MAP3K3: variants seen among roughly 807,000 people sequenced by gnomAD.
MAP3K3 encodes the protein MAP/ERK kinase kinase 3.
In MAP3K3, 12 loss-of-function variants were observed where a neutral mutation model predicts 80.9. That is an observed-to-expected ratio of 0.15 (90% CI 0.10 to 0.24). The LOEUF is 0.24. Among genes scored for constraint, MAP3K3 ranks in the 10% least tolerant of loss-of-function variants. MAP3K3 has a pLI of 1.00. For missense variants in MAP3K3, 596 were observed against 834.7 expected, an observed-to-expected ratio of 0.71 and a Z score of 3.52; for synonymous variants, 272 against 307.1, an observed-to-expected ratio of 0.89 and a Z score of 1.19.
rs1023055283 is a variant in MAP3K3, at chr17:63,652,494, T to G, written c.168-63T>G. 1.2e-5 allele frequency: 13 copies of G among 1,066,264 alleles called. No homozygotes were observed. The African/African-American group carries it at 1.7e-4, about 14-fold the overall frequency. The allele number at this position is 1,066,264 out of a possible 1,614,324, so 66.1% of individuals were successfully genotyped here. A position where few individuals can be genotyped will look rare whatever the true frequency, so the allele number is the denominator to read the frequency against. On this transcript the variant is annotated intron_variant, in intron 3 of 15. Transcript: ENST00000361733. Reference sequence around the variant, plus strand: ...GAAAGGAAGAATATACTCAGACCATTGCTTTTTAAACCCTACGTTTTAAGT... The same window carrying G: ...GAAAGGAAGAATATACTCAGACCATGGCTTTTTAAACCCTACGTTTTAAGT...
chr17:63,686,568 G>A (rs2035454804), intron 8 of MAP3K3, among the ~76,000 whole-genome samples: 1 of 152,216 alleles, frequency 6.6e-6, no homozygotes, highest in South Asian at 2.1e-4. Context: ...GGGGAGAGAA[G>A]AGGACTACAG....
chr17:63,693,498 G>A lies in MAP3K3; in HGVS notation c.1653-51G>A. 1 of 1,517,390 alleles carries A rather than the reference G, an allele frequency of 6.6e-7. No individual in the cohort carries two copies. Among genetic ancestry groups the A allele is most frequent in the Non-Finnish European group, 9.0e-7 (1 of 1,108,980 alleles). 94.0% of individuals were successfully genotyped at this position (1,517,390 alleles called of 1,614,324 possible). A position where few individuals can be genotyped will look rare whatever the true frequency, so the allele number is the denominator to read the frequency against. On this transcript the variant is annotated intron_variant, in intron 15 of 15. Coordinates refer to ENST00000361733, the MANE Select transcript of MAP3K3 (RefSeq NM_002401.5). The surrounding 1 kb of genome is among the most constrained non-coding windows in gnomAD (Gnocchi z 4.2). ...TCTTTCTGCAGTGGTGGGCAGGACA[G>A]CTGGGAGTCCAGGGCTGGCTGAGGG...
chr17:63,637,815 ATGGTAGGTAGATACT>A (rs2034360325), intron 2 of MAP3K3, among the ~76,000 whole-genome samples: 1 of 152,212 alleles, frequency 6.6e-6, no homozygotes, highest in Non-Finnish European at 1.5e-5. Context: ...TCTTATCAAA[ATGGTAGGTAGATACT>A]TGAACAGAGT....
Position 63,652,554 on chromosome 17 carries a change from C to T in MAP3K3, c.168-3C>T. ...ACCAACCTTTCTTTCTGTTTCTTTTCAGAATTATAGCGTTCAGCCGGCCTG... is the reference window on the plus strand; with the variant it reads ...ACCAACCTTTCTTTCTGTTTCTTTTTAGAATTATAGCGTTCAGCCGGCCTG... On this transcript the variant is annotated splice_polypyrimidine_tract_variant and splice_region_variant and intron_variant, in intron 3 of 15. Coordinates refer to ENST00000361733, the MANE Select transcript of MAP3K3 (RefSeq NM_002401.5). The T allele has an allele frequency of 6.2e-7, 1 of 1,609,016 alleles. No homozygotes were observed. Among genetic ancestry groups the T allele is most frequent in the Non-Finnish European group, 8.5e-7 (1 of 1,175,628 alleles).
At position 63,693,530 on chromosome 17, in the gene MAP3K3, C is replaced by A. The variant is rs745993881; in HGVS notation, c.1653-19C>A. On this transcript the variant is annotated intron_variant, in intron 15 of 15. Coordinates refer to ENST00000361733, the MANE Select transcript of MAP3K3 (RefSeq NM_002401.5). The surrounding 1 kb of genome is among the most constrained non-coding windows in gnomAD (Gnocchi z 4.2). ...GTCCAGGGCTGGCTGAGGGGTGACA[C>A]GGGGTTCTCTCTTTCCAGGAGCCTG... The A allele has an allele frequency of 1.9e-6, 3 of 1,590,146 alleles. No homozygotes were observed. Among genetic ancestry groups the A allele is most frequent in the Non-Finnish European group, 2.6e-6 (3 of 1,168,936 alleles).
chr17:63,673,864 C>T (rs977319267), intron 6 of MAP3K3, among the ~76,000 whole-genome samples: 13 of 152,032 alleles, frequency 8.6e-5, no homozygotes, highest in African/African-American at 3.1e-4. Flanking sequence ...GAGCCAAGAT[C>T]GTGTCACTGC....
chr17:63,632,549 C>T (rs1186791621), intron 1 of MAP3K3, 132 bp from the exon 2 acceptor site: 10 of 957,548 alleles, frequency 1.0e-5, no homozygotes, highest in Non-Finnish European at 1.4e-5. Flanking sequence ...TTTTGGGCTG[C>T]ATCTGATTAT....
At chr17:63,687,142 G>C (rs1374730280) in intron 8 of MAP3K3, among the ~76,000 whole-genome samples, 3 of 151,234 alleles carry the variant, frequency 2.0e-5, no homozygotes, top group African/African-American at 7.3e-5. Flanking sequence ...GAGGCACGCG[G>C]ATCACCTGAG....
At chr17:63,635,457 T>C (rs1414634421) in intron 2 of MAP3K3, among the ~76,000 whole-genome samples, 1 of 152,246 alleles carries the variant, frequency 6.6e-6, no homozygotes, top group Non-Finnish European at 1.5e-5. Context: ...TTCCTCTTAA[T>C]GAAGTCAAGG....
At chr17:63,651,282 G>T (rs2034650210) in intron 3 of MAP3K3, among the ~76,000 whole-genome samples, 2 of 152,106 alleles carry the variant, frequency 1.3e-5, no homozygotes, top group Non-Finnish European at 2.9e-5. Flanking sequence ...TCAGAGGTTT[G>T]AGATCAGCCT....
chr17:63,692,137 G>C lies in MAP3K3; in HGVS notation c.1475-105G>C. On this transcript the variant is annotated intron_variant, in intron 14 of 15. Coordinates refer to ENST00000361733, the MANE Select transcript of MAP3K3 (RefSeq NM_002401.5). This position sits in a 1 kb window ranked among gnomAD's most constrained non-coding sequence, Gnocchi z 4.5. ...CTTTGCAGTTCATGTCTAATTCAGT[G>C]GTAGCCCTGCCCTCTCCAGCAGCTC... The C allele has an allele frequency of 1.5e-6, 2 of 1,320,028 alleles. No homozygotes were observed. Among genetic ancestry groups the C allele is most frequent in the Non-Finnish European group, 2.1e-6 (2 of 934,494 alleles). The allele number at this position is 1,320,028 out of a possible 1,614,324, so 81.8% of individuals were successfully genotyped here. A position where few individuals can be genotyped will look rare whatever the true frequency, so the allele number is the denominator to read the frequency against.
intron 2 of MAP3K3, among the ~76,000 whole-genome samples, chr17:63,645,691 ATG>A (rs2034527594): frequency 6.6e-6 from 1 of 152,242 alleles, no homozygotes; most frequent in Non-Finnish European, 1.5e-5. Context: ...CAACAAGGAA[ATG>A]TATCCTGGTC....
chr17:63,635,611 G>A (rs532310828), intron 2 of MAP3K3, among the ~76,000 whole-genome samples: 1 of 152,312 alleles, frequency 6.6e-6, no homozygotes, highest in Non-Finnish European at 1.5e-5. Flanking sequence ...AGGTAGTGCG[G>A]GGAAGATGTT....
chr17:63,692,553 GTAT>G lies in MAP3K3; in HGVS notation c.1652+139_1652+141del. ...GGCCCAGGCTGCAGTGTGTGCAAGG[GTAT>G]TATTGGGTGCAGTAGCACACACACC... On this transcript the variant is annotated intron_variant, in intron 15 of 15. Transcript: ENST00000361733. This position sits in a 1 kb window ranked among gnomAD's most constrained non-coding sequence, Gnocchi z 4.5. 2.3e-6 allele frequency: 2 copies of G among 879,650 alleles called. No individual in the cohort carries two copies. The highest frequency in any genetic ancestry group is 1.9e-5 in the South Asian group (1 of 51,752). 54.5% of individuals were successfully genotyped at this position (879,650 alleles called of 1,614,324 possible).
chr17:63,646,176 C>A (rs2034538263), intron 3 of MAP3K3, 102 bp downstream of exon 3: 2 of 1,053,114 alleles, frequency 1.9e-6, no homozygotes, highest in Admixed American at 1.9e-5. Context: ...CCCTGTGGGG[C>A]CACTGGCTGG....
chr17:63,648,720 C>T (rs2034589568), intron 3 of MAP3K3, among the ~76,000 whole-genome samples: 1 of 152,114 alleles, frequency 6.6e-6, no homozygotes, highest in Non-Finnish European at 1.5e-5. Context: ...GAGGCTAAGG[C>T]AGGAGAATCG....
At chr17:63,628,579 C>T (rs551003199) in intron 1 of MAP3K3, among the ~76,000 whole-genome samples, 9 of 151,586 alleles carry the variant, frequency 5.9e-5, no homozygotes, top group South Asian at 4.2e-4. Flanking sequence ...AGGCTGTTCT[C>T]GAACCCCTAA....
chr17:63,629,376 T>C (rs1354010352), intron 1 of MAP3K3, among the ~76,000 whole-genome samples: 1 of 152,198 alleles, frequency 6.6e-6, no homozygotes. Context: ...CCACGCATCT[T>C]GGCCTCCCAA....
intron 1 of MAP3K3, among the ~76,000 whole-genome samples, chr17:63,625,725 G>A (rs2034086889): frequency 6.6e-6 from 1 of 152,130 alleles, no homozygotes; most frequent in East Asian, 1.9e-4. Context: ...AATCAACATG[G>A]CTATGTCATT....
Sources: allele counts gnomAD v4.1 joint callset (sites outside exome capture counted in the v4.1 genomes callset), GRCh38; gene constraint gnomAD v4.1.1; non-coding constraint Gnocchi (gnomAD v3.1); transcripts MANE v1.5; gene names NCBI Gene and HGNC (gene_info 2026-07-23, HGNC 2026-07-21).